SLC24A3: variants seen among roughly 807,000 people sequenced by gnomAD.
SLC24A3 encodes the protein solute carrier family 24 member 3, also known as sodium/potassium/calcium exchanger 3.
Under a neutral mutation model 75.8 loss-of-function variants are expected in SLC24A3, and 28 were observed. The ratio of observed to expected loss-of-function variants is 0.37; its 90% CI spans 0.27 to 0.51. The LOEUF is 0.51. Ranked by LOEUF, SLC24A3 falls within the 20% of genes least tolerant of loss-of-function variation. The pLI is 0.94. For missense variants in SLC24A3, 663 were observed against 847.8 expected, an observed-to-expected ratio of 0.78 and a Z score of 2.71; for synonymous variants, 372 against 334.1, an observed-to-expected ratio of 1.11 and a Z score of -1.24.
chr20:19,346,031 C>T (rs1985388309), intron 2 of SLC24A3, among the ~76,000 whole-genome samples: 1 of 118,894 alleles, frequency 8.4e-6, no homozygotes, highest in Admixed American at 9.4e-5. Flanking sequence ...TGCACCCAGC[C>T]CAAATGCCCA....
chr20:19,279,786 T>C (rs1033337126), intron 1 of SLC24A3, among the ~76,000 whole-genome samples: 1 of 152,222 alleles, frequency 6.6e-6, no homozygotes, highest in Non-Finnish European at 1.5e-5. Context: ...GCATTTCTAA[T>C]CTGCCACATG....
chr20:19,278,300 G>C (rs1430876409), intron 1 of SLC24A3, among the ~76,000 whole-genome samples: 1 of 152,182 alleles, frequency 6.6e-6, no homozygotes, highest in Non-Finnish European at 1.5e-5. Flanking sequence ...TCAGTTTCTA[G>C]TTATTCATGA....
At chr20:19,215,936 G>A (rs191991083) in intron 1 of SLC24A3, among the ~76,000 whole-genome samples, 31 of 152,322 alleles carry the variant, frequency 2.0e-4, no homozygotes, top group African/African-American at 7.5e-4. Context: ...AAGAATTAGT[G>A]CTGGAATCAA....
intron 1 of SLC24A3, among the ~76,000 whole-genome samples, chr20:19,222,714 T>A (rs1981749862): frequency 6.6e-6 from 1 of 151,710 alleles, no homozygotes; most frequent in Admixed American, 6.6e-5. Flanking sequence ...CCAAATTATT[T>A]AATCCTTCCT....
rs368470596 is a variant in SLC24A3, at chr20:19,685,219, C to T, written c.1182C>T (p.Gly394=). 15 of 1,613,850 alleles carry T rather than the reference C, an allele frequency of 9.3e-6. No individual in the cohort carries two copies. Among genetic ancestry groups the T allele is most frequent in the Admixed American group, 8.3e-5 (5 of 59,968 alleles). The part of the protein sequence containing the change: ...GTGPSSAPDR[G]VNGTRRDDVV... The stretch of plus-strand genomic sequence containing the variant: ...GGCCCAGCAGTGCCCCAGACAGGGG[C>T]GTGAATGGGACACGGAGGGACGATG... Residue 394 remains glycine, a synonymous_variant, in exon 12 of 17, where the codon GGC becomes GGT. Transcript: ENST00000328041.
intron 2 of SLC24A3, among the ~76,000 whole-genome samples, chr20:19,340,124 C>T (rs900244923): frequency 1.3e-5 from 2 of 152,154 alleles, no homozygotes; most frequent in Non-Finnish European, 2.9e-5. Flanking sequence ...CCCAGTAACT[C>T]ACAATGTGAC....
intron 2 of SLC24A3, among the ~76,000 whole-genome samples, chr20:19,361,363 A>G (rs1985785017): frequency 6.6e-6 from 1 of 152,182 alleles, no homozygotes; most frequent in Non-Finnish European, 1.5e-5. Context: ...TCCCATCCAG[A>G]TAGTTGCAGA....
chr20:19,463,697 T>C (rs1469258833), intron 2 of SLC24A3, among the ~76,000 whole-genome samples: 3 of 152,190 alleles, frequency 2.0e-5, no homozygotes, highest in Non-Finnish European at 4.4e-5. Flanking sequence ...AGCCCTCTTC[T>C]GGGCCACATG....
Position 19,673,643 on chromosome 20 carries a change from T to C in SLC24A3, c.756T>C (p.Ile252=). Reference sequence around the variant, plus strand: ...TTGTGCTGATGTATCTTATCTACATTGTCATCATGAAGTAAGTAAAATTTT... The same window carrying C: ...TTGTGCTGATGTATCTTATCTACATCGTCATCATGAAGTAAGTAAAATTTT... ...LVLVLMYLIY[I]VIMKYNACIH... is the part of the protein sequence containing the mutation. Residue 252 remains isoleucine (I), a synonymous_variant, in exon 9 of 17, where the codon ATT becomes ATC. Coordinates refer to ENST00000328041, the MANE Select transcript of SLC24A3 (RefSeq NM_020689.4). 1 of 1,613,972 alleles carries C rather than the reference T, an allele frequency of 6.2e-7. No homozygotes were observed. The highest frequency in any genetic ancestry group is 8.5e-7 in the Non-Finnish European group (1 of 1,179,822).
chr20:19,404,717 G>A (rs1261682505), intron 2 of SLC24A3, among the ~76,000 whole-genome samples: 1 of 152,178 alleles, frequency 6.6e-6, no homozygotes, highest in African/African-American at 2.4e-5. Context: ...GGTCTGTTCA[G>A]AGTGCAAGCA....
At chr20:19,393,992 T>C (rs1295286417) in intron 2 of SLC24A3, among the ~76,000 whole-genome samples, 1 of 152,182 alleles carries the variant, frequency 6.6e-6, no homozygotes, top group Non-Finnish European at 1.5e-5. Context: ...AACAGTGTAG[T>C]ACTTGTGTAA....
intron 6 of SLC24A3, among the ~76,000 whole-genome samples, chr20:19,625,458 T>C (rs1211412104): frequency 1.3e-5 from 2 of 152,166 alleles, no homozygotes; most frequent in Admixed American, 1.3e-4. Context: ...GATGAGACAA[T>C]GTCAAAAGTA....
rs370664996 is a variant in SLC24A3, at chr20:19,618,563, G to T, written c.612+33019G>T. 1.3e-3 allele frequency among the ~76,000 whole-genome samples: 196 copies of T among 152,254 alleles called. 5 individuals carry two copies. In the South Asian group the frequency reaches 0.037, roughly 29 times the overall value. On this transcript the variant is annotated intron_variant, in intron 6 of 16. Coordinates refer to ENST00000328041, the MANE Select transcript of SLC24A3 (RefSeq NM_020689.4). Reference sequence around the variant, plus strand: ...ACAGCTGCCTTCTGTGATACTAGGGGGTAAGACTTCAACATATGAATGTTG... The same window carrying T: ...ACAGCTGCCTTCTGTGATACTAGGGTGTAAGACTTCAACATATGAATGTTG...
intron 3 of SLC24A3, among the ~76,000 whole-genome samples, chr20:19,528,329 T>C (rs775599659): frequency 6.6e-6 from 1 of 152,176 alleles, no homozygotes; most frequent in Non-Finnish European, 1.5e-5. Context: ...CACCATAAGC[T>C]AGGGACACAG....
intron 1 of SLC24A3, among the ~76,000 whole-genome samples, chr20:19,248,854 C>T (rs6035264): frequency 6.6e-6 from 1 of 150,428 alleles, no homozygotes; most frequent in Non-Finnish European, 1.5e-5. Flanking sequence ...ATGGATGAAC[C>T]TAGAGGATAT....
intron 10 of SLC24A3, among the ~76,000 whole-genome samples, chr20:19,682,449 A>G (rs972946866): frequency 4.6e-5 from 7 of 152,090 alleles, no homozygotes; most frequent in African/African-American, 1.4e-4. Flanking sequence ...CTACAATGTC[A>G]TGGAGCCATC....
intron 6 of SLC24A3, 34 bp downstream of exon 6, chr20:19,585,578 G>A (rs754317759): frequency 6.3e-7 from 1 of 1,594,320 alleles, no homozygotes; most frequent in Non-Finnish European, 8.6e-7. Context: ...ATGGCAAAAT[G>A]TGACATTGGG....
At chr20:19,278,297 C>T (rs1211149511) in intron 1 of SLC24A3, among the ~76,000 whole-genome samples, 1 of 152,192 alleles carries the variant, frequency 6.6e-6, no homozygotes, top group Non-Finnish European at 1.5e-5. Flanking sequence ...AGATCAGTTT[C>T]TAGTTATTCA....
At chr20:19,433,623 T>C (rs1987142535) in intron 2 of SLC24A3, among the ~76,000 whole-genome samples, 1 of 152,194 alleles carries the variant, frequency 6.6e-6, no homozygotes, top group African/African-American at 2.4e-5. Flanking sequence ...CAGTAGAGAC[T>C]CTCACTTTGA....
Sources: allele counts gnomAD v4.1 joint callset (sites outside exome capture counted in the v4.1 genomes callset), GRCh38; gene constraint gnomAD v4.1.1; transcripts MANE v1.5; gene names NCBI Gene and HGNC (gene_info 2026-07-23, HGNC 2026-07-21).